Variants in CCSER1 observed in about 807,000 individuals in gnomAD.
CCSER1 encodes coiled-coil serine rich protein 1, also known as serine-rich coiled-coil domain-containing protein 1.
In CCSER1, 41 loss-of-function variants were observed where a neutral mutation model predicts 82.0. That is an observed-to-expected ratio of 0.50 (90% CI 0.39 to 0.65). The LOEUF is 0.65. Among genes scored for constraint, CCSER1 ranks in the 30% least tolerant of loss-of-function variants. The probability of loss-of-function intolerance (pLI) is 0.00; values close to 1 mark genes in which losing one functional copy is unlikely to be tolerated. For synonymous variants in CCSER1, 414 were observed against 383.9 expected, an observed-to-expected ratio of 1.08 and a Z score of -0.92; for missense variants, 1,119 against 1,064.2, an observed-to-expected ratio of 1.05 and a Z score of -0.72.
chr4:91,054,726 G>A (rs138902366), intron 9 of CCSER1, among the ~76,000 whole-genome samples: 1 of 151,888 alleles, frequency 6.6e-6, no homozygotes, highest in Admixed American at 6.6e-5. Flanking sequence ...CGGTGGGGTT[G>A]GTGGGGGTGG....
intron 1 of CCSER1, among the ~76,000 whole-genome samples, chr4:90,226,028 T>C (rs1183781437): frequency 6.6e-6 from 1 of 152,172 alleles, no homozygotes; most frequent in Non-Finnish European, 1.5e-5. Context: ...CATCATGCAA[T>C]GTGGTTGGCT....
intron 3 of CCSER1, among the ~76,000 whole-genome samples, chr4:90,321,521 A>T (rs911521945): frequency 1.3e-5 from 2 of 152,158 alleles, no homozygotes; most frequent in Non-Finnish European, 2.9e-5. Flanking sequence ...GCTGCAATAA[A>T]CATGGGAGTG....
chr4:91,294,902 A>G (rs1744040032), intron 10 of CCSER1, among the ~76,000 whole-genome samples: 1 of 151,986 alleles, frequency 6.6e-6, no homozygotes, highest in South Asian at 2.1e-4. Context: ...CTACAGACAG[A>G]GTACAATGCC....
chr4:91,400,528 T>C (rs551350987), intron 10 of CCSER1, among the ~76,000 whole-genome samples: 1 of 149,270 alleles, frequency 6.7e-6, no homozygotes, highest in Admixed American at 6.8e-5. Flanking sequence ...TCATTTATTA[T>C]CTAGGATGCA....
At chr4:91,057,036 C>T (rs1280110736) in intron 9 of CCSER1, among the ~76,000 whole-genome samples, 1 of 152,152 alleles carries the variant, frequency 6.6e-6, no homozygotes, top group Non-Finnish European at 1.5e-5. Context: ...AGAGGTACAA[C>T]AACAATGGCT....
At chr4:90,209,148 A>G (rs994435231) in intron 1 of CCSER1, among the ~76,000 whole-genome samples, 2 of 152,170 alleles carry the variant, frequency 1.3e-5, no homozygotes, top group African/African-American at 4.8e-5. Flanking sequence ...ACAGTCTTCT[A>G]TTCCTTATTG....
At chr4:91,535,037 T>C (rs966604797) in intron 10 of CCSER1, among the ~76,000 whole-genome samples, 1 of 151,910 alleles carries the variant, frequency 6.6e-6, no homozygotes, top group African/African-American at 2.4e-5. Context: ...CAGATAATTT[T>C]ATTTTGTGTT....
At chr4:90,622,442 C>T (rs935423875) in intron 5 of CCSER1, among the ~76,000 whole-genome samples, 10 of 152,114 alleles carry the variant, frequency 6.6e-5, no homozygotes, top group Non-Finnish European at 1.3e-4. Context: ...CGACAGGCCC[C>T]GGTGCGTGAT....
chr4:90,757,540 G>A (rs1347981923), intron 7 of CCSER1, among the ~76,000 whole-genome samples: 2 of 152,184 alleles, frequency 1.3e-5, no homozygotes, highest in African/African-American at 4.8e-5. Flanking sequence ...CAAAGCAATG[G>A]CCTCCTATAA....
At chr4:90,578,979 T>G (rs938967987) in intron 5 of CCSER1, among the ~76,000 whole-genome samples, 1 of 152,194 alleles carries the variant, frequency 6.6e-6, no homozygotes, top group African/African-American at 2.4e-5. Context: ...TACATATTTT[T>G]AGTGCTTATA....
At chr4:90,334,536 T>C (rs1005663869) in intron 3 of CCSER1, among the ~76,000 whole-genome samples, 1 of 145,824 alleles carries the variant, frequency 6.9e-6, no homozygotes, top group Non-Finnish European at 1.5e-5. Flanking sequence ...TGCAATTTGT[T>C]TGAGATACTT....
chr4:90,432,926 C>T (rs910709226), intron 4 of CCSER1, among the ~76,000 whole-genome samples: 1 of 152,048 alleles, frequency 6.6e-6, no homozygotes, highest in African/African-American at 2.4e-5. Flanking sequence ...TACCTAGGTA[C>T]CTCCCATCTC....
At chr4:91,058,547 C>T (rs992037636) in intron 9 of CCSER1, among the ~76,000 whole-genome samples, 3 of 152,024 alleles carry the variant, frequency 2.0e-5, no homozygotes, top group South Asian at 2.1e-4. Flanking sequence ...TGTTTTTGGC[C>T]AGATTCCCAA....
chr4:90,727,029 C>T (rs1201211176), intron 7 of CCSER1, among the ~76,000 whole-genome samples: 1 of 152,148 alleles, frequency 6.6e-6, no homozygotes, highest in African/African-American at 2.4e-5. Context: ...ACATAATAAA[C>T]TCCAGATTTC....
chr4:90,695,929 CAAT>C (rs1172884289), intron 6 of CCSER1, among the ~76,000 whole-genome samples: 1 of 151,754 alleles, frequency 6.6e-6, no homozygotes. Context: ...GGTAACAAAA[CAAT>C]AAATAAATTC....
intron 9 of CCSER1, among the ~76,000 whole-genome samples, chr4:90,985,183 T>C (rs4370102): frequency 0.095 from 14,398 of 151,772 alleles, 858 homozygotes; most frequent in Admixed American, 0.17. Context: ...AAGTGAGTTT[T>C]TGTTTGTATT....
In CCSER1 at chr4:90,205,036, G is replaced by A. The variant is rs183833841; in HGVS notation, c.-42+77205G>A. Among the ~76,000 whole-genome samples, 17 of 152,152 alleles carry A rather than the reference G, an allele frequency of 1.1e-4. 2 individuals are homozygous for A. The highest frequency in any genetic ancestry group is 5.8e-4 in the East Asian group (3 of 5,174). ...ATAGGAATGCTTGTGATTTTCACAC[G>A]TTGATTTTGTATCCTGAGACTGCTG... On this transcript the variant is annotated intron_variant, in intron 1 of 10. Transcript: ENST00000509176.
chr4:90,998,137 A>G (rs1705644467), intron 9 of CCSER1, among the ~76,000 whole-genome samples: 1 of 151,826 alleles, frequency 6.6e-6, no homozygotes. Context: ...CTTTAGTGCA[A>G]TGGCGCGATC....
chr4:91,507,769 T>A (rs538239108), intron 10 of CCSER1, among the ~76,000 whole-genome samples: 4 of 152,006 alleles, frequency 2.6e-5, no homozygotes, highest in African/African-American at 9.6e-5. Flanking sequence ...CTTCAATTTA[T>A]TTTCTTCTTT....
Sources: gnomAD v4.1 joint callset for allele counts (sites outside exome capture counted in the v4.1 genomes callset) on GRCh38, gnomAD v4.1.1 for gene constraint, MANE v1.5 for transcripts, NCBI Gene and HGNC (gene_info 2026-07-23, HGNC 2026-07-21) for gene names.